The following LARGE1 variants were observed in gnomAD, a reference collection of about 807,000 sequenced individuals.
LARGE1 encodes the protein xylosyl- and glucuronyltransferase LARGE1.
LARGE1 carries 43 observed loss-of-function variants against 87.6 expected under a neutral mutation model. That is an observed-to-expected ratio of 0.49 (90% CI 0.38 to 0.63). The LOEUF is 0.63. Among genes scored for constraint, LARGE1 ranks in the 30% least tolerant of loss-of-function variants. LARGE1 has a pLI of 0.00. For synonymous variants in LARGE1, 434 were observed against 394.6 expected (o/e 1.10, Z -1.18); for missense variants, 802 against 1,000.2 (o/e 0.80, Z 2.67).
chr22:33,152,991 T>A, the LARGE1 span, among the ~76,000 whole-genome samples: 2 of 152,172 alleles, frequency 1.3e-5, no homozygotes, highest in Admixed American at 6.5e-5. Context: ...CAGTGCTAGA[T>A]TATCAGCTTG....
intron 13 of LARGE1, among the ~76,000 whole-genome samples, chr22:33,279,608 T>C (rs1263272546): frequency 1.3e-5 from 2 of 152,168 alleles, no homozygotes; most frequent in African/African-American, 4.8e-5. Context: ...GGGCAGGAAC[T>C]TGAACTTCAG....
chr22:33,481,441 C>T (rs949220471), intron 6 of LARGE1, among the ~76,000 whole-genome samples: 6 of 151,960 alleles, frequency 3.9e-5, no homozygotes, highest in Admixed American at 6.6e-5. Flanking sequence ...TTTTACATAT[C>T]GAAATACTGA....
chr22:33,239,401 G>A (rs545519914), intron 11 of LARGE1, among the ~76,000 whole-genome samples: 5 of 152,200 alleles, frequency 3.3e-5, no homozygotes, highest in South Asian at 2.1e-4. Context: ...GAAACCAAAC[G>A]GGTGTGAAAT....
intron 2 of LARGE1, among the ~76,000 whole-genome samples, chr22:33,715,969 C>T (rs1420821414): frequency 6.6e-6 from 1 of 152,116 alleles, no homozygotes; most frequent in Non-Finnish European, 1.5e-5. Context: ...TGAGTTAATT[C>T]CCCATTACTA....
At chr22:33,305,253 C>A (rs1189139932) in intron 11 of LARGE1, among the ~76,000 whole-genome samples, 5 of 151,228 alleles carry the variant, frequency 3.3e-5, no homozygotes, top group Non-Finnish European at 5.9e-5. Flanking sequence ...CTGCATCACT[C>A]GTCTTCAGAG....
At chr22:33,359,242 G>A (rs182973958) in intron 9 of LARGE1, among the ~76,000 whole-genome samples, 7 of 152,190 alleles carry the variant, frequency 4.6e-5, no homozygotes, top group Admixed American at 2.6e-4. Flanking sequence ...AAAATGCTGC[G>A]GACTTGGAAT....
intron 2 of LARGE1, among the ~76,000 whole-genome samples, chr22:33,756,667 G>A (rs1438844387): frequency 1.3e-5 from 2 of 152,182 alleles, no homozygotes; most frequent in South Asian, 2.1e-4. Context: ...CAGATAATGC[G>A]AGGCAGTATG....
At chr22:33,580,765 G>A (rs918083812) in intron 5 of LARGE1, among the ~76,000 whole-genome samples, 1 of 152,182 alleles carries the variant, frequency 6.6e-6, no homozygotes, top group African/African-American at 2.4e-5. Context: ...TTATGCCTCT[G>A]AATAAGATGT....
At chr22:33,683,047 T>C (rs1479206893) in intron 2 of LARGE1, among the ~76,000 whole-genome samples, 2 of 152,268 alleles carry the variant, frequency 1.3e-5, no homozygotes, top group South Asian at 2.1e-4. Flanking sequence ...AGCCATTTTG[T>C]GCTCTTAATT....
At chr22:33,115,555 T>A in the LARGE1 span, among the ~76,000 whole-genome samples, 6 of 151,088 alleles carry the variant, frequency 4.0e-5, no homozygotes, top group Non-Finnish European at 5.9e-5. Context: ...AGGTGGCTCA[T>A]GCCTGTAATC....
chr22:33,184,783 C>T (rs763483480), intron 11 of LARGE1, among the ~76,000 whole-genome samples: 3 of 152,164 alleles, frequency 2.0e-5, no homozygotes, highest in East Asian at 3.9e-4. Context: ...AGAAGATATA[C>T]AGATGGCAAA....
chr22:33,379,889 T>C (rs186310558), intron 9 of LARGE1, among the ~76,000 whole-genome samples: 10 of 152,242 alleles, frequency 6.6e-5, no homozygotes, highest in Admixed American at 1.3e-4. Flanking sequence ...GCTGTTCTTA[T>C]CACTCAGGAA....
intron 1 of LARGE1, among the ~76,000 whole-genome samples, chr22:33,869,074 T>C (rs932641057): frequency 6.6e-6 from 1 of 152,136 alleles, no homozygotes; most frequent in Non-Finnish European, 1.5e-5. Flanking sequence ...ACCCTTTCAT[T>C]TGAAATCCAA....
At chr22:33,383,708 G>C (rs1198497112) in intron 8 of LARGE1, among the ~76,000 whole-genome samples, 1 of 152,186 alleles carries the variant, frequency 6.6e-6, no homozygotes, top group African/African-American at 2.4e-5. Flanking sequence ...GGGACACTAG[G>C]ACAGCATCTA....
intron 4 of LARGE1, among the ~76,000 whole-genome samples, chr22:33,621,383 T>C (rs2079748750): frequency 6.6e-6 from 1 of 152,198 alleles, no homozygotes; most frequent in Non-Finnish European, 1.5e-5. Context: ...AGTGTGCAAG[T>C]GTGTCTATAT....
rs887751787 is a variant in LARGE1 at position 33,917,689 on chromosome 22, A to T, written c.-83+2306T>A. The stretch of plus-strand genomic sequence containing the variant: ...TTTTGTAGTCCTTAAATACTTAGAG[A>T]TTATAACTGAGTCTTTTCAGAATGT... On this transcript the variant is annotated intron_variant, in intron 1 of 14. Transcript: ENST00000397394. 5.3e-5 allele frequency among the ~76,000 whole-genome samples: 8 copies of T among 152,164 alleles called. No individual in the cohort carries two copies. The East Asian group carries it at 1.5e-3, about 29-fold the overall frequency.
the LARGE1 span, among the ~76,000 whole-genome samples, chr22:33,146,928 G>A: frequency 6.6e-6 from 1 of 152,232 alleles, no homozygotes; most frequent in Admixed American, 6.5e-5. Flanking sequence ...CAACCCATTA[G>A]TCTGACCTTC....
intron 5 of LARGE1, among the ~76,000 whole-genome samples, chr22:33,576,590 T>C (rs1362654771): frequency 6.6e-6 from 1 of 152,110 alleles, no homozygotes; most frequent in Non-Finnish European, 1.5e-5. Flanking sequence ...GTAGTCTTCC[T>C]ATGTATGTGA....
the LARGE1 span, among the ~76,000 whole-genome samples, chr22:33,104,442 AG>A: frequency 1.3e-5 from 2 of 152,216 alleles, no homozygotes; most frequent in African/African-American, 4.8e-5. Context: ...AGGCCTATGG[AG>A]GGGACCTTGT....
Sources: allele counts gnomAD v4.1 joint callset (sites outside exome capture counted in the v4.1 genomes callset), GRCh38; gene constraint gnomAD v4.1.1; transcripts MANE v1.5; gene names NCBI Gene and HGNC (gene_info 2026-07-23, HGNC 2026-07-21).